The following DTNA variants were observed in gnomAD, a reference collection of about 807,000 sequenced individuals.
The protein encoded by DTNA is dystrobrevin alpha.
A neutral mutation model predicts 100.7 loss-of-function variants in DTNA; 43 were observed. The observed-to-expected ratio is 0.43, with a 90% CI of 0.33 to 0.55. The LOEUF (loss-of-function observed/expected upper bound fraction) is 0.55, where lower values mean the gene tolerates loss of function less well. Ranked by LOEUF, DTNA falls within the 20% of genes least tolerant of loss-of-function variation. DTNA has a pLI of 0.04. For missense variants in DTNA, 798 were observed against 953.9 expected, an observed-to-expected ratio of 0.84 and a Z score of 2.15; for synonymous variants, 349 against 347.9, an observed-to-expected ratio of 1.00 and a Z score of -0.04.
rs2093940217 is a variant in DTNA at position 34,774,400 on chromosome 18, G to A, written c.148+8359G>A. 2.0e-5 allele frequency among the ~76,000 whole-genome samples: 3 copies of A among 152,236 alleles called. No individual in the cohort carries two copies. The South Asian group carries it at 6.2e-4, about 32-fold the overall frequency. On this transcript the variant is annotated intron_variant, in intron 3 of 22. Coordinates refer to ENST00000444659, the MANE Select transcript of DTNA (RefSeq NM_001386795.1). ...AAGTCAGTCGGGAGGACAGGGATGGGAGAGCAGCTTCTCCCATGAAATCAC... is the reference window on the plus strand; with the variant it reads ...AAGTCAGTCGGGAGGACAGGGATGGAAGAGCAGCTTCTCCCATGAAATCAC...
chr18:34,782,774 C>T (rs1244699903), intron 3 of DTNA, among the ~76,000 whole-genome samples: 1 of 152,196 alleles, frequency 6.6e-6, no homozygotes, highest in East Asian at 1.9e-4. Context: ...GAGGTCCAAA[C>T]ACTGATTTTC....
intron 3 of DTNA, among the ~76,000 whole-genome samples, chr18:34,780,704 C>T (rs1336165150): frequency 2.0e-5 from 3 of 152,108 alleles, no homozygotes; most frequent in Admixed American, 2.0e-4. Context: ...TAGACAGAGA[C>T]TTTATTAGGA....
chr18:34,881,929 A>G, intron 20 of DTNA, 140 bp from the exon 21 acceptor site: 1 of 1,117,820 alleles, frequency 8.9e-7, no homozygotes, highest in Non-Finnish European at 1.3e-6. Flanking sequence ...TTTTTTAGGT[A>G]TTACTAAAGA....
chr18:34,833,422 G>GTT (rs2096063976), intron 11 of DTNA, among the ~76,000 whole-genome samples: 1 of 152,022 alleles, frequency 6.6e-6, no homozygotes, highest in Admixed American at 6.6e-5. Context: ...GTGTGTGTGT[G>GTT]TGTGTGTGTG....
chr18:34,722,602 T>TACACACACACACACACACAC (rs1299705114), intron 1 of DTNA, among the ~76,000 whole-genome samples: 7 of 132,418 alleles, frequency 5.3e-5, no homozygotes, highest in Non-Finnish European at 8.3e-5. Context: ...CATATATATA[T>TACACACACACACACACACAC]ACATACACAC....
intron 2 of DTNA, among the ~76,000 whole-genome samples, chr18:34,760,323 T>C (rs374320836): frequency 1.8e-4 from 28 of 152,164 alleles, no homozygotes; most frequent in African/African-American, 6.8e-4. Flanking sequence ...TTCTGTCTCT[T>C]AGTACCCTGT....
At chr18:34,800,692 CTGTT>C (rs1283037498) in intron 4 of DTNA, among the ~76,000 whole-genome samples, 3 of 152,176 alleles carry the variant, frequency 2.0e-5, no homozygotes, top group African/African-American at 7.2e-5. Context: ...TTCCTTCTGT[CTGTT>C]TAAGAAAGAA....
chr18:34,617,314 A>T lies in DTNA; in HGVS notation c.-2+123800A>T, dbSNP rs1483156115. On this transcript the variant is annotated intron_variant, in intron 1 of 19. Transcript: ENST00000283365. ...TGTTCCTTCAAAGCCCAGCTTGTTG[A>T]GGGTTTTAAACATGAAATGATGGTT... is the stretch of plus-strand genomic sequence containing the variant. Among the ~76,000 whole-genome samples, 3 of 152,250 alleles carry T rather than the reference A, an allele frequency of 2.0e-5. No individual in the cohort carries two copies. In the East Asian group the frequency reaches 5.8e-4, roughly 29 times the overall value.
At chr18:34,607,565 CT>C (rs1363357810) in intron 1 of DTNA, among the ~76,000 whole-genome samples, 1 of 152,126 alleles carries the variant, frequency 6.6e-6, no homozygotes. Context: ...AAAAAATGGA[CT>C]ACATTTTATG....
chr18:34,616,747 C>G (rs1456102809), intron 1 of DTNA, among the ~76,000 whole-genome samples: 1 of 152,126 alleles, frequency 6.6e-6, no homozygotes, highest in East Asian at 1.9e-4. Context: ...TTGATCCTTC[C>G]TATCAATGAG....
chr18:34,677,840 GTGGT>G (rs2077579170), intron 1 of DTNA, among the ~76,000 whole-genome samples: 1 of 152,182 alleles, frequency 6.6e-6, no homozygotes, highest in African/African-American at 2.4e-5. Context: ...TCACAGAACA[GTGGT>G]TAATTGTGTA....
At chr18:34,693,424 A>G (rs1407152747) in intron 1 of DTNA, among the ~76,000 whole-genome samples, 2 of 152,118 alleles carry the variant, frequency 1.3e-5, no homozygotes, top group Admixed American at 1.3e-4. Context: ...TACTACCCAA[A>G]TAATTAGCAG....
At chr18:34,653,988 T>A (rs938865215) in intron 1 of DTNA, among the ~76,000 whole-genome samples, 3 of 152,214 alleles carry the variant, frequency 2.0e-5, no homozygotes, top group Non-Finnish European at 4.4e-5. Context: ...TGAGTTTTTC[T>A]TGTCAGCCAT....
chr18:34,506,825 A>G (rs1021852576), intron 1 of DTNA, among the ~76,000 whole-genome samples: 2 of 152,106 alleles, frequency 1.3e-5, no homozygotes, highest in African/African-American at 4.8e-5. Flanking sequence ...TGTTTATTTA[A>G]TATATAAAAT....
chr18:34,532,292 TAATG>T (rs1302341956), intron 1 of DTNA, among the ~76,000 whole-genome samples: 1 of 152,056 alleles, frequency 6.6e-6, no homozygotes, highest in Admixed American at 6.6e-5. Context: ...TGAAAAATAA[TAATG>T]GGGAAGAAGG....
intron 1 of DTNA, among the ~76,000 whole-genome samples, chr18:34,522,337 A>G (rs1400938869): frequency 3.9e-5 from 6 of 152,182 alleles, no homozygotes; most frequent in East Asian, 1.9e-4. Context: ...TTGGGTCAAC[A>G]GTGATCCCAA....
rs184096726 is a variant in DTNA, at chr18:34,678,062, G to A, written c.-1-77914G>A. Among the ~76,000 whole-genome samples, 306 of 152,212 alleles carry A rather than the reference G, an allele frequency of 2.0e-3. 2 individuals carry two copies. The Middle Eastern group carries it at 0.021, about 10-fold the overall frequency. The stretch of plus-strand genomic sequence containing the variant: ...TGTAGCAGCAGGAGAGAGAAGTGCC[G>A]AGCAAAGGGGGAAAAGCCCCTATAC... On this transcript the variant is annotated intron_variant, in intron 1 of 19. Transcript: ENST00000283365.
At chr18:34,733,322 C>T (rs745404789) in intron 1 of DTNA, among the ~76,000 whole-genome samples, 6 of 152,016 alleles carry the variant, frequency 3.9e-5, no homozygotes, top group East Asian at 1.9e-4. Flanking sequence ...TCTGTCCATT[C>T]GACCTAGAAG....
chr18:34,656,384 G>A (rs2074370868), intron 1 of DTNA, among the ~76,000 whole-genome samples: 1 of 152,190 alleles, frequency 6.6e-6, no homozygotes, highest in African/African-American at 2.4e-5. Context: ...GGAATTAGAA[G>A]AATAGAAGGG....
Sources: allele counts gnomAD v4.1 joint callset (sites outside exome capture counted in the v4.1 genomes callset), GRCh38; gene constraint gnomAD v4.1.1; transcripts MANE v1.5; gene names NCBI Gene and HGNC (gene_info 2026-07-23, HGNC 2026-07-21).